EPHB2: variants seen among roughly 807,000 people sequenced by gnomAD.
EPHB2 encodes the protein EPH receptor B2.
In EPHB2, 18 loss-of-function variants were observed where a neutral mutation model predicts 96.4. The ratio of observed to expected loss-of-function variants is 0.19; its 90% CI spans 0.13 to 0.28. The LOEUF is 0.28. EPHB2 is among the 10% of genes least tolerant of loss of function. The pLI is 1.00. For synonymous variants in EPHB2, 506 were observed against 534.1 expected, an observed-to-expected ratio of 0.95 and a Z score of 0.72; for missense variants, 989 against 1,355.4, an observed-to-expected ratio of 0.73 and a Z score of 4.25.
At chr1:22,714,526 G>A (rs1397658545) in intron 1 of EPHB2, among the ~76,000 whole-genome samples, 1 of 152,214 alleles carries the variant, frequency 6.6e-6, no homozygotes, top group East Asian at 1.9e-4. Context: ...GAGGGCAGCA[G>A]TGGGGGTTGA....
At chr1:22,871,035 A>G (rs892034790) in intron 5 of EPHB2, among the ~76,000 whole-genome samples, 1 of 152,204 alleles carries the variant, frequency 6.6e-6, no homozygotes, top group Non-Finnish European at 1.5e-5. Context: ...AACGGCTCAC[A>G]TTTGTCAAGT....
intron 5 of EPHB2, among the ~76,000 whole-genome samples, chr1:22,878,218 C>T (rs951637402): frequency 5.9e-5 from 9 of 152,112 alleles, no homozygotes; most frequent in African/African-American, 1.7e-4. Context: ...GTGGTGTGAA[C>T]GGAGCAGCCT....
At chr1:22,824,636 G>A (rs1028134650) in intron 3 of EPHB2, among the ~76,000 whole-genome samples, 2 of 152,232 alleles carry the variant, frequency 1.3e-5, no homozygotes, top group Admixed American at 6.5e-5. Context: ...CCAGAATGAA[G>A]CCCCGGAGAA....
chr1:22,889,381 C>T (rs1471940349), intron 6 of EPHB2, among the ~76,000 whole-genome samples: 3 of 152,198 alleles, frequency 2.0e-5, no homozygotes, highest in East Asian at 1.9e-4. Flanking sequence ...GTTTTCAAGT[C>T]TGAGCAGAGC....
chr1:22,894,369 G>C (rs751288154), intron 7 of EPHB2, among the ~76,000 whole-genome samples: 2 of 152,116 alleles, frequency 1.3e-5, no homozygotes, highest in Admixed American at 1.3e-4. Context: ...AAGCCAAGGC[G>C]GGTGGATCAC....
intron 3 of EPHB2, among the ~76,000 whole-genome samples, chr1:22,862,747 G>A (rs151050324): frequency 9.6e-4 from 146 of 152,250 alleles, no homozygotes; most frequent in Non-Finnish European, 1.9e-3. Flanking sequence ...CTCCTAACTA[G>A]GTCAGGATTG....
At chr1:22,895,803 A>G (rs1034290385) in intron 8 of EPHB2, among the ~76,000 whole-genome samples, 5 of 152,256 alleles carry the variant, frequency 3.3e-5, no homozygotes, top group Non-Finnish European at 7.3e-5. Flanking sequence ...TGACAAGCCC[A>G]CTATTGAAAG....
chr1:22,810,295 G>A (rs1242017734), intron 3 of EPHB2, among the ~76,000 whole-genome samples: 7 of 152,098 alleles, frequency 4.6e-5, no homozygotes, highest in East Asian at 3.9e-4. Flanking sequence ...CCCTGGGCTC[G>A]GCCAGGGGTC....
intron 3 of EPHB2, among the ~76,000 whole-genome samples, chr1:22,799,109 G>A (rs1454573499): frequency 1.3e-5 from 2 of 152,148 alleles, no homozygotes; most frequent in Non-Finnish European, 2.9e-5. Flanking sequence ...CAGAATCCCT[G>A]GGTACAAATT....
Position 22,784,957 on chromosome 1 carries a change from A to G in EPHB2, c.692A>G (p.Glu231Gly), listed in dbSNP as rs770077850. The change falls in exon 3 of 16, where the codon GAA becomes GGA. Residue 231 changes from glutamate to glycine, a missense_variant. Physicochemically the swap from Glu to Gly is moderately conservative, Grantham distance 98. Coordinates refer to ENST00000374630, the MANE Select transcript of EPHB2 (RefSeq NM_017449.5). The surrounding 1 kb of genome is among the most constrained non-coding windows in gnomAD (Gnocchi z 5.1). ...CGGGGCAGCTGCATCGCCAATGCGG[A>G]AGAGGTGGATGTACCCATCAAGCTC... ...AARGSCIANAEEVDVPIKLYC... is the reference protein window; with the variant it reads ...AARGSCIANAGEVDVPIKLYC... 1 of 1,613,948 alleles carries G rather than the reference A, an allele frequency of 6.2e-7. No individual in the cohort carries two copies. Among genetic ancestry groups the G allele is most frequent in the Admixed American group, 1.7e-5 (1 of 60,034 alleles).
At chr1:22,792,822 G>A (rs1644713579) in intron 3 of EPHB2, among the ~76,000 whole-genome samples, 1 of 152,188 alleles carries the variant, frequency 6.6e-6, no homozygotes, top group Non-Finnish European at 1.5e-5. Flanking sequence ...TCTACAGACA[G>A]TGAAGGTGCA....
chr1:22,801,068 G>A (rs895035991), intron 3 of EPHB2, among the ~76,000 whole-genome samples: 2 of 152,206 alleles, frequency 1.3e-5, no homozygotes, highest in Admixed American at 6.5e-5. Flanking sequence ...ACAGGGGGCA[G>A]GCTCCCTGGC....
chr1:22,715,972 A>G (rs186996834), intron 1 of EPHB2, among the ~76,000 whole-genome samples: 3 of 152,278 alleles, frequency 2.0e-5, no homozygotes, highest in Admixed American at 6.5e-5. Flanking sequence ...CCTTCCCTCA[A>G]TGATGGCGAC....
Position 22,901,837 on chromosome 1 carries a change from G to GTGTA in EPHB2, c.1766-4147_1766-4146insATGT, listed in dbSNP as rs1429820003. ...TGTGTGTGAGTGTGTGTGTGTGTGTGTGTGTGTGTAACAGGGTCTCACTTT... is the reference window on the plus strand; with the variant it reads ...TGTGTGTGAGTGTGTGTGTGTGTGTGTGTATGTGTGTGTAACAGGGTCTCACTTT... On this transcript the variant is annotated intron_variant, in intron 9 of 15. Coordinates refer to ENST00000374630, the MANE Select transcript of EPHB2 (RefSeq NM_017449.5). Among the ~76,000 whole-genome samples the GTGTA allele has an allele frequency of 2.0e-5, 3 of 151,824 alleles. No individual in the cohort carries two copies. In the East Asian group the frequency reaches 5.8e-4, roughly 29 times the overall value.
chr1:22,785,613 G>A (rs924856901), intron 3 of EPHB2, among the ~76,000 whole-genome samples: 10 of 152,188 alleles, frequency 6.6e-5, no homozygotes, highest in African/African-American at 2.2e-4. Flanking sequence ...ACCACCATTC[G>A]GGATGTTGCC....
intron 3 of EPHB2, among the ~76,000 whole-genome samples, chr1:22,789,388 G>A (rs566696859): frequency 2.9e-4 from 44 of 152,270 alleles, no homozygotes; most frequent in African/African-American, 7.9e-4. Flanking sequence ...GTCCTCAGAG[G>A]GAGTGGCCAC....
intron 1 of EPHB2, among the ~76,000 whole-genome samples, chr1:22,724,294 T>A (rs960880424): frequency 1.3e-5 from 2 of 152,218 alleles, no homozygotes; most frequent in African/African-American, 4.8e-5. Flanking sequence ...GAACCATTTG[T>A]ACATAATTTG....
intron 1 of EPHB2, among the ~76,000 whole-genome samples, chr1:22,721,036 G>GT (rs1011137394): frequency 3.3e-5 from 5 of 152,298 alleles, no homozygotes; most frequent in African/African-American, 1.2e-4. Flanking sequence ...GTGCCGAGGA[G>GT]TAACTGTGTT....
intron 1 of EPHB2, among the ~76,000 whole-genome samples, chr1:22,776,061 A>G (rs533356505): frequency 1.1e-4 from 17 of 152,238 alleles, no homozygotes; most frequent in African/African-American, 3.9e-4. Context: ...GGGGCCTCAG[A>G]GAGCTGCTAA....
Sources: gnomAD v4.1 joint callset for allele counts (sites outside exome capture counted in the v4.1 genomes callset) on GRCh38, gnomAD v4.1.1 for gene constraint, Gnocchi (gnomAD v3.1) non-coding constraint, MANE v1.5 for transcripts, NCBI Gene and HGNC (gene_info 2026-07-23, HGNC 2026-07-21) for gene names.